NT5DC4: variants seen among roughly 807,000 people sequenced by gnomAD.
NT5DC4 encodes the protein 5'-nucleotidase domain containing 4.
A neutral mutation model predicts 26.6 loss-of-function variants in NT5DC4; 44 were observed. That is an observed-to-expected ratio of 1.65 (90% CI 1.30 to 2.13). The LOEUF is 2.13. Among genes scored for constraint, NT5DC4 ranks in the 30% most tolerant of loss-of-function variants. The pLI, the probability that NT5DC4 is intolerant of heterozygous loss-of-function variation, is 0.00. For missense variants in NT5DC4, 399 were observed against 228.1 expected, an observed-to-expected ratio of 1.75 and a Z score of -4.83; for synonymous variants, 157 against 86.7, an observed-to-expected ratio of 1.81 and a Z score of -4.51.
At chr2:112,731,451 A>G (rs150471475) in intron 16 of NT5DC4, 22 of 152,296 alleles carry the variant, frequency 1.4e-4, no homozygotes, top group African/African-American at 5.1e-4. Context: ...TGCACTTCTG[A>G]TTCTGTTACT....
intron 16 of NT5DC4, chr2:112,738,537 A>G (rs993915235): frequency 5.7e-6 from 2 of 351,810 alleles, no homozygotes; most frequent in Admixed American, 4.5e-5. Context: ...GTTGGGATTA[A>G]AGTAGATCAA....
intron 7 of NT5DC4, 75 bp from the exon 8 acceptor site, chr2:112,723,343 A>T (rs1034147795): frequency 1.5e-6 from 1 of 684,708 alleles, no homozygotes; most frequent in Non-Finnish European, 2.7e-6. Context: ...GGACACAGAC[A>T]TGTGGGTGGG....
upstream of NT5DC4, among the ~76,000 whole-genome samples, chr2:112,719,974 C>CTTTCTTTCTT (rs1553430373): frequency 1.3e-5 from 1 of 79,670 alleles, no homozygotes; most frequent in Non-Finnish European, 2.6e-5. Flanking sequence ...TTCTTTCTTT[C>CTTTCTTTCTT]TTTCTTTCTT....
At chr2:112,720,428 C>T (rs1259552663), upstream of NT5DC4, among the ~76,000 whole-genome samples, 3 of 152,088 alleles carry the variant, frequency 2.0e-5, no homozygotes, top group African/African-American at 4.8e-5. Flanking sequence ...TCCAGGTCAC[C>T]GCTCCAAATG....
upstream of NT5DC4, among the ~76,000 whole-genome samples, chr2:112,719,924 C>CTCTTTCTTTCTT (rs35714262): frequency 4.0e-4 from 28 of 69,152 alleles, no homozygotes; most frequent in South Asian, 1.1e-3. Flanking sequence ...TTCTTTCTTT[C>CTCTTTCTTTCTT]TCTTTCTTTC....
intron 6 of NT5DC4, 22 bp from the exon 7 acceptor site, chr2:112,723,059 G>C (rs530950469): frequency 1.4e-6 from 1 of 705,620 alleles, no homozygotes; most frequent in Non-Finnish European, 2.6e-6. Context: ...TGGCCTCCCC[G>C]TCCCCTCTTT....
intron 16 of NT5DC4, chr2:112,737,928 A>C (rs1305089584): frequency 6.6e-6 from 1 of 152,186 alleles, no homozygotes; most frequent in Non-Finnish European, 1.5e-5. Context: ...GAAAGCTAAA[A>C]TTTAAAATGT....
chr2:112,722,800 G>A lies in NT5DC4; in HGVS notation c.527+29G>A, dbSNP rs766669122. Reference sequence around the variant, plus strand: ...CGTCTTGTGCCCTGCCCAGCCCTGGGACGACCAGTAGGACACTGCTCAGGG... The same window carrying A: ...CGTCTTGTGCCCTGCCCAGCCCTGGAACGACCAGTAGGACACTGCTCAGGG... On this transcript the variant is annotated intron_variant, in intron 6 of 16. Transcript: ENST00000688554. The A allele has an allele frequency of 1.1e-4, 79 of 717,306 alleles. No homozygotes were observed. In the African/African-American group the frequency reaches 1.2e-3, roughly 11 times the overall value. 44.4% of individuals were successfully genotyped at this position (717,306 alleles called of 1,614,324 possible).
upstream of NT5DC4, among the ~76,000 whole-genome samples, chr2:112,719,942 C>CTTTT (rs1477492819): frequency 2.5e-3 from 245 of 96,392 alleles, 1 homozygote; most frequent in African/African-American, 0.01. Flanking sequence ...TTCTTTCTTT[C>CTTTT]TTTCTTTCTT....
intron 13 of NT5DC4, among the ~76,000 whole-genome samples, chr2:112,725,841 A>C (rs1677633215): frequency 1.4e-5 from 2 of 146,022 alleles, no homozygotes; most frequent in African/African-American, 2.5e-5. Context: ...CCTGCACCTG[A>C]CCCCACCCTC....
In NT5DC4 at chr2:112,732,205, C is replaced by A. The variant is rs551680168; in HGVS notation, c.1344+2501C>A. Among the ~76,000 whole-genome samples, 10 of 115,506 alleles carry A rather than the reference C, an allele frequency of 8.7e-5. No homozygotes were observed. In the South Asian group the frequency reaches 1.1e-3, roughly 13 times the overall value. 75.8% of individuals were successfully genotyped at this position (115,506 alleles called of 152,430 possible). ...GGATTACAGGCGAGAGCCACCGAGC[C>A]TGGCATTTTTTTTTTTAAAACATCT... On this transcript the variant is annotated intron_variant, in intron 16 of 16. Coordinates refer to ENST00000688554, the MANE Select transcript of NT5DC4 (RefSeq NM_001393655.1).
Position 112,729,693 on chromosome 2 carries a change from T to C in NT5DC4, c.1333T>C (p.Cys445Arg), listed in dbSNP as rs1312349509. 2.8e-6 allele frequency: 2 copies of C among 717,796 alleles called. No individual in the cohort carries two copies. The highest frequency in any genetic ancestry group is 5.2e-6 in the Non-Finnish European group (2 of 385,132). The allele number at this position is 717,796 out of a possible 1,614,324, so 44.5% of individuals were successfully genotyped here. ...AGACCCTGCCTCCTGCCTCCTCTCC[T>C]GCAACCAGAGGGTGAGTGGCTGTGG... Reference protein sequence around the residue: ...NLDPASCLLSCNQRFIKRSHY With the variant: ...NLDPASCLLSRNQRFIKRSHY The change falls in exon 16 of 17, where the codon TGC (cysteine) becomes CGC (arginine). Residue 445 changes from cysteine to arginine, a missense_variant. Cys to Arg is a radical substitution (Grantham distance 180, BLOSUM62 -3). Coordinates refer to ENST00000688554, the MANE Select transcript of NT5DC4 (RefSeq NM_001393655.1).
At chr2:112,725,304 G>A (rs1677559327) in intron 12 of NT5DC4, 64 bp downstream of exon 12, 1 of 693,706 alleles carries the variant, frequency 1.4e-6, no homozygotes, top group East Asian at 2.7e-5. Flanking sequence ...TAGGAGCCCA[G>A]GCCCCTCACC....
At chr2:112,721,352 G>A (rs1285533232) in intron 1 of NT5DC4, 199 bp downstream of exon 1, 3 of 656,754 alleles carry the variant, frequency 4.6e-6, no homozygotes, top group African/African-American at 1.8e-5. Context: ...TCCGGCGGGA[G>A]GTCCTCTTCA....
chr2:112,741,045 C>A, downstream of NT5DC4: 1 of 1,335,440 alleles, frequency 7.5e-7, no homozygotes, highest in Non-Finnish European at 1.1e-6. Flanking sequence ...TAAGATTTAC[C>A]AATTTAATAC....
chr2:112,721,413 T>A, intron 1 of NT5DC4: 2 of 710,920 alleles, frequency 2.8e-6, no homozygotes, highest in Admixed American at 2.0e-5. Flanking sequence ...CACAGTGACA[T>A]GTGCTATCCA....
chr2:112,738,776 T>C, intron 16 of NT5DC4, 137 bp from the exon 17 acceptor site: 2 of 1,272,058 alleles, frequency 1.6e-6, no homozygotes, highest in Non-Finnish European at 2.3e-6. Flanking sequence ...ATATTTCTTG[T>C]CTTATGTTGG....
chr2:112,719,634 C>A (rs141458467), upstream of NT5DC4, among the ~76,000 whole-genome samples: 1 of 151,742 alleles, frequency 6.6e-6, no homozygotes, highest in South Asian at 2.1e-4. Flanking sequence ...TACAGGCATG[C>A]GCAACCATGC....
At chr2:112,742,201 G>A (rs1213332958), downstream of NT5DC4, among the ~76,000 whole-genome samples, 1 of 151,996 alleles carries the variant, frequency 6.6e-6, no homozygotes, top group Admixed American at 6.6e-5. Context: ...AACAAGTATC[G>A]TAAGCAATTA....
Sources: gnomAD v4.1 joint callset for allele counts (sites outside exome capture counted in the v4.1 genomes callset) on GRCh38, gnomAD v4.1.1 for gene constraint, MANE v1.5 for transcripts, NCBI Gene and HGNC (gene_info 2026-07-23, HGNC 2026-07-21) for gene names.